The following TSNARE1 variants were observed in gnomAD, a reference collection of about 807,000 sequenced individuals.
The protein encoded by TSNARE1 is t-SNARE domain containing 1.
Under a neutral mutation model 62.0 loss-of-function variants are expected in TSNARE1, and 49 were observed. The observed-to-expected ratio is 0.79, with a 90% CI of 0.63 to 1.00. TSNARE1 has a LOEUF of 1.00. Ranked by LOEUF, TSNARE1 falls within the 50% of genes least tolerant of loss-of-function variation. The pLI, the probability that TSNARE1 is intolerant of heterozygous loss-of-function variation, is 0.00. For missense variants in TSNARE1, 755 were observed against 700.1 expected, an observed-to-expected ratio of 1.08 and a Z score of -0.88; for synonymous variants, 328 against 294.4, an observed-to-expected ratio of 1.11 and a Z score of -1.17.
At chr8:142,355,031 G>A (rs1834613670) in intron 1 of TSNARE1, among the ~76,000 whole-genome samples, 1 of 152,086 alleles carries the variant, frequency 6.6e-6, no homozygotes, top group Non-Finnish European at 1.5e-5. Flanking sequence ...CCTCCCAAGA[G>A]GGACCCCCAG....
intron 1 of TSNARE1, among the ~76,000 whole-genome samples, chr8:142,399,728 A>C (rs979842894): frequency 6.6e-6 from 1 of 152,196 alleles, no homozygotes; most frequent in African/African-American, 2.4e-5. Context: ...AAAGCAGAGG[A>C]ATCTGAGAGG....
At chr8:142,338,467 G>A (rs1832084093) in intron 4 of TSNARE1, among the ~76,000 whole-genome samples, 1 of 152,106 alleles carries the variant, frequency 6.6e-6, no homozygotes, top group Admixed American at 6.5e-5. Context: ...CCCACCACAA[G>A]CCTGCCTGGC....
rs947173320 is a variant in TSNARE1 at position 142,300,623 on chromosome 8, C to G, written c.1153G>C (p.Glu385Gln). Residue 385 changes from glutamate to glutamine, a missense_variant, in exon 10 of 14, where the codon GAG becomes CAG. By Grantham distance (29) the Glu-to-Gln change is conservative. Transcript: ENST00000524325. Reference sequence around the variant, plus strand: ...AAGACCTTCTCATCATCAGCCAGCTCGGCAAACGGGGCCTGGGGACTCTGC... The same window carrying G: ...AAGACCTTCTCATCATCAGCCAGCTGGGCAAACGGGGCCTGGGGACTCTGC... ...SKQSPQAPFA[E>Q]LADDEKVFNG... The G allele has an allele frequency of 6.2e-7, 1 of 1,613,594 alleles. No individual in the cohort carries two copies. The highest frequency in any genetic ancestry group is 8.5e-7 in the Non-Finnish European group (1 of 1,179,898).
chr8:142,301,869 C>T (rs1825839686), intron 9 of TSNARE1, among the ~76,000 whole-genome samples: 1 of 152,198 alleles, frequency 6.6e-6, no homozygotes, highest in African/African-American at 2.4e-5. Context: ...GTGGGGCTGG[C>T]ACCATGCTAA....
intron 13 of TSNARE1, among the ~76,000 whole-genome samples, chr8:142,228,644 C>T (rs1479222046): frequency 1.3e-5 from 2 of 152,190 alleles, no homozygotes; most frequent in Admixed American, 6.5e-5. Flanking sequence ...GTGGCCTTGC[C>T]CCAGTGGCTC....
chr8:142,278,067 A>G (rs1820789407), intron 11 of TSNARE1: 2 of 985,388 alleles, frequency 2.0e-6, no homozygotes, highest in Non-Finnish European at 1.2e-6. Context: ...CACAGGCCTG[A>G]GAGGACCCAG....
intron 1 of TSNARE1, among the ~76,000 whole-genome samples, chr8:142,388,707 G>A (rs1311360644): frequency 6.6e-6 from 1 of 151,860 alleles, no homozygotes; most frequent in Non-Finnish European, 1.5e-5. Context: ...ACAGGCACAC[G>A]CCACCATGCC....
upstream of TSNARE1, chr8:142,403,725 C>G (rs1838477915): frequency 6.6e-6 from 1 of 152,260 alleles, no homozygotes; most frequent in Non-Finnish European, 1.5e-5. Flanking sequence ...AACTGAGTCT[C>G]AAGACATCTG....
At chr8:142,314,932 G>T in intron 8 of TSNARE1, 71 bp downstream of exon 8, 2 of 1,432,258 alleles carry the variant, frequency 1.4e-6, no homozygotes, top group South Asian at 1.1e-5. Flanking sequence ...AGACAGCCAT[G>T]ACAGTGCTCC....
At chr8:142,274,486 C>A in intron 12 of TSNARE1, 6 of 985,488 alleles carry the variant, frequency 6.1e-6, no homozygotes, top group Non-Finnish European at 7.2e-6. Context: ...CGGGAAGGCC[C>A]CAAGGGCCCT....
At chr8:142,276,874 C>A (rs940316594) in intron 11 of TSNARE1, 9 of 985,338 alleles carry the variant, frequency 9.1e-6, no homozygotes, top group Non-Finnish European at 1.1e-5. Flanking sequence ...ACACCTCACA[C>A]AACCACTGCC....
intron 11 of TSNARE1, chr8:142,278,315 C>T (rs1477740877): frequency 1.2e-5 from 12 of 985,342 alleles, no homozygotes; most frequent in South Asian, 4.7e-5. Context: ...GATGCCCCAG[C>T]GCTCCAAGTT....
At chr8:142,331,662 G>A (rs1295573955) in intron 5 of TSNARE1, 92 bp downstream of exon 5, 4 of 1,262,440 alleles carry the variant, frequency 3.2e-6, no homozygotes, top group Middle Eastern at 1.8e-4. Flanking sequence ...GGCCTGAGGG[G>A]GGAAGCCATC....
intron 12 of TSNARE1, among the ~76,000 whole-genome samples, chr8:142,265,793 G>A (rs1027544591): frequency 6.6e-6 from 1 of 152,182 alleles, no homozygotes; most frequent in Non-Finnish European, 1.5e-5. Flanking sequence ...CGCGGTGTGG[G>A]CTTAATGTGT....
At chr8:142,351,454 G>T (rs529517952) in intron 2 of TSNARE1, among the ~76,000 whole-genome samples, 2 of 152,272 alleles carry the variant, frequency 1.3e-5, no homozygotes, top group East Asian at 3.9e-4. Context: ...AAAGTTAAAT[G>T]ACTTCATTGC....
chr8:142,368,794 G>A (rs1242460435), intron 1 of TSNARE1, among the ~76,000 whole-genome samples: 1 of 152,186 alleles, frequency 6.6e-6, no homozygotes, highest in Non-Finnish European at 1.5e-5. Flanking sequence ...CCAAGCCTAT[G>A]GGATAAGGGC....
At chr8:142,258,972 C>T (rs533000353) in intron 12 of TSNARE1, among the ~76,000 whole-genome samples, 8 of 152,340 alleles carry the variant, frequency 5.3e-5, no homozygotes, top group African/African-American at 1.7e-4. Context: ...CTACTCCCAC[C>T]GCCAGCCCAA....
At chr8:142,331,036 G>A in intron 5 of TSNARE1, 66 bp from the exon 6 acceptor site, 3 of 1,477,560 alleles carry the variant, frequency 2.0e-6, no homozygotes, top group African/African-American at 1.4e-5. Context: ...TACTCCATAT[G>A]GGTGGCCCCA....
At chr8:142,285,799 C>A (rs184607350) in intron 10 of TSNARE1, among the ~76,000 whole-genome samples, 16 of 152,300 alleles carry the variant, frequency 1.1e-4, no homozygotes, top group African/African-American at 3.9e-4. Flanking sequence ...TGCTGTCTAC[C>A]TTTACCCTAA....
Sources: allele counts gnomAD v4.1 joint callset (sites outside exome capture counted in the v4.1 genomes callset), GRCh38; gene constraint gnomAD v4.1.1; transcripts MANE v1.5; gene names NCBI Gene and HGNC (gene_info 2026-07-23, HGNC 2026-07-21).